LIMD1: variants seen among roughly 807,000 people sequenced by gnomAD.
LIMD1 encodes the protein LIM domain-containing protein 1.
In LIMD1, 23 loss-of-function variants were observed where a neutral mutation model predicts 58.4. That is an observed-to-expected ratio of 0.39 (90% CI 0.28 to 0.56). The LOEUF (loss-of-function observed/expected upper bound fraction) is 0.56, where lower values mean the gene tolerates loss of function less well. LIMD1 is among the 20% of genes least tolerant of loss of function. The pLI is 0.57. For missense variants in LIMD1, 838 were observed against 855.5 expected (o/e 0.98, Z 0.25); for synonymous variants, 334 against 345.5 (o/e 0.97, Z 0.37).
intron 2 of LIMD1, among the ~76,000 whole-genome samples, chr3:45,658,307 A>G (rs550321168): frequency 4.4e-4 from 67 of 152,182 alleles, no homozygotes; most frequent in African/African-American, 1.5e-3. Flanking sequence ...AATTTGGAAT[A>G]AAGGAAAATC....
chr3:45,667,968 A>G (rs947596713), intron 3 of LIMD1, among the ~76,000 whole-genome samples: 6 of 152,184 alleles, frequency 3.9e-5, no homozygotes, highest in African/African-American at 1.4e-4. Context: ...CAAGCTTTCA[A>G]GTGATGCCAG....
At position 45,668,274 on chromosome 3, in the gene LIMD1, C is replaced by G. The variant is rs1697543597; in HGVS notation, c.1579-20C>G. ...ATCTTACCAGTCTGGGTTTAACTTT[C>G]TTTTCTTTTTCTTCTGCAGTACTCT... is the stretch of plus-strand genomic sequence containing the variant. On this transcript the variant is annotated intron_variant, in intron 3 of 7. Coordinates refer to ENST00000273317, the MANE Select transcript of LIMD1 (RefSeq NM_014240.3). 3.1e-6 allele frequency: 5 copies of G among 1,606,166 alleles called. No individual in the cohort carries two copies. Among genetic ancestry groups the G allele is most frequent in the Non-Finnish European group, 8.5e-7 (1 of 1,176,144 alleles).
In LIMD1 at chr3:45,673,537, G is replaced by A. The variant is rs369881006; in HGVS notation, c.1824+32G>A. ...TGCCCTTCCAGACATGCTCCCAGGG[G>A]CTTCTAAGACATGAATATCTCCCTG... On this transcript the variant is annotated intron_variant, in intron 6 of 7. Transcript: ENST00000273317. The A allele has an allele frequency of 4.5e-6, 7 of 1,559,890 alleles. No individual in the cohort carries two copies. The African/African-American group carries it at 9.5e-5, about 21-fold the overall frequency.
intron 1 of LIMD1, among the ~76,000 whole-genome samples, chr3:45,613,813 A>G (rs1290921590): frequency 6.6e-6 from 1 of 152,166 alleles, no homozygotes; most frequent in Admixed American, 6.5e-5. Flanking sequence ...AAGTCTTTGT[A>G]TAGACACAGG....
chr3:45,635,835 T>A, intron 1 of LIMD1: 1 of 961,028 alleles, frequency 1.0e-6, no homozygotes. Context: ...TGAACTGTCT[T>A]ACAAACAGTG....
At chr3:45,646,117 A>G (rs145170828) in intron 2 of LIMD1, among the ~76,000 whole-genome samples, 4,598 of 151,802 alleles carry the variant, frequency 0.03, 75 homozygotes, top group Non-Finnish European at 0.041. Flanking sequence ...CTGTCTTCTT[A>G]TGTCCCTTGC....
At chr3:45,613,563 T>G (rs1471693813) in intron 1 of LIMD1, among the ~76,000 whole-genome samples, 1 of 150,726 alleles carries the variant, frequency 6.6e-6, no homozygotes, top group African/African-American at 2.4e-5. Context: ...GATTTGTTTT[T>G]CCATTTCCCT....
Position 45,682,641 on chromosome 3 carries a change from A to T in LIMD1, c.*5582A>T, listed in dbSNP as rs1405006458. The T allele has an allele frequency of 6.6e-6, 1 of 152,296 alleles. No homozygotes were observed. The highest frequency in any genetic ancestry group is 1.5e-5 in the Non-Finnish European group (1 of 68,098). The allele number at this position is 152,296 out of a possible 1,614,324, so 9.4% of individuals were successfully genotyped here. A position where few individuals can be genotyped will look rare whatever the true frequency, so the allele number is the denominator to read the frequency against. On this transcript the variant is annotated 3_prime_UTR_variant, in exon 8 of 8. Transcript: ENST00000273317. ...CCTCATTTGATAGACAAGACAACTG[A>T]GACACAAAAGGGTGAAATAAACAGT...
chr3:45,644,530 G>A (rs111723696), intron 2 of LIMD1, among the ~76,000 whole-genome samples: 412 of 152,228 alleles, frequency 2.7e-3, no homozygotes, highest in African/African-American at 9.2e-3. Context: ...CCATGGCGGC[G>A]CACTAAATCC....
intron 7 of LIMD1, among the ~76,000 whole-genome samples, chr3:45,674,906 G>T (rs995626829): frequency 2.6e-5 from 4 of 152,180 alleles, no homozygotes; most frequent in Admixed American, 6.5e-5. Flanking sequence ...CCTGCCCTTT[G>T]TCCCAACCCA....
intron 2 of LIMD1, among the ~76,000 whole-genome samples, chr3:45,664,955 T>G (rs1425308579): frequency 6.6e-6 from 1 of 152,162 alleles, no homozygotes; most frequent in Non-Finnish European, 1.5e-5. Context: ...CGGGACACCC[T>G]CTGCTGACCT....
intron 1 of LIMD1, 168 bp from the exon 2 acceptor site, chr3:45,635,982 G>A: frequency 1.0e-6 from 1 of 985,346 alleles, no homozygotes; most frequent in Non-Finnish European, 1.2e-6. Context: ...AGTTGAAAGA[G>A]TGACAGAGGG....
chr3:45,612,075 C>G (rs1000023870), intron 1 of LIMD1, among the ~76,000 whole-genome samples: 7 of 150,276 alleles, frequency 4.7e-5, no homozygotes, highest in African/African-American at 1.5e-4. Flanking sequence ...TGCGCGCTCT[C>G]TCTCTCTCTC....
In LIMD1 at chr3:45,595,617, T is replaced by C. The variant is rs141045534; in HGVS notation, c.738T>C (p.Gly246=). 15,754 of 1,613,822 alleles carry C rather than the reference T, an allele frequency of 9.8e-3. 98 individuals are homozygous for C. Among genetic ancestry groups the C allele is most frequent in the Non-Finnish European group, 0.011 (13,541 of 1,179,950 alleles). ...GGTCTTCTGAGGGTAGCCTCGGTGG[T>C]CAGAATAGTGGCATTGGTGGCCGCA... ...SSRSSEGSLG[G]QNSGIGGRSS... Residue 246 remains glycine (G), a synonymous_variant, in exon 1 of 8, where the codon GGT becomes GGC. Coordinates refer to ENST00000273317, the MANE Select transcript of LIMD1 (RefSeq NM_014240.3).
In LIMD1 at chr3:45,649,484, A is replaced by G. The variant is rs145478519; in HGVS notation, c.1510+13233A>G. 1.0e-3 allele frequency among the ~76,000 whole-genome samples: 154 copies of G among 151,736 alleles called. 1 individual carries two copies. The highest frequency in any genetic ancestry group is 3.5e-3 in the African/African-American group (146 of 41,404). On this transcript the variant is annotated intron_variant, in intron 2 of 7. Coordinates refer to ENST00000273317, the MANE Select transcript of LIMD1 (RefSeq NM_014240.3). ...ATCATGAGGTCAGAAGATCGAGACC[A>G]TCCTGACTAACATGGTGAAACCCCG...
chr3:45,645,155 G>C (rs1006033634), intron 2 of LIMD1, among the ~76,000 whole-genome samples: 1 of 152,198 alleles, frequency 6.6e-6, no homozygotes, highest in African/African-American at 2.4e-5. Context: ...CTGGCCAGAG[G>C]GCTGCAGGGA....
At chr3:45,638,341 A>T (rs904942132) in intron 2 of LIMD1, among the ~76,000 whole-genome samples, 2 of 152,198 alleles carry the variant, frequency 1.3e-5, no homozygotes, top group African/African-American at 2.4e-5. Context: ...CAGGTTTGTT[A>T]CAAAGGTATA....
intron 1 of LIMD1, among the ~76,000 whole-genome samples, chr3:45,624,445 C>T (rs148475634): frequency 0.012 from 1,833 of 152,230 alleles, 31 homozygotes; most frequent in African/African-American, 0.039. Flanking sequence ...CGGTGTCTCA[C>T]GCCTGTAATC....
At chr3:45,657,713 T>C (rs1429269930) in intron 2 of LIMD1, among the ~76,000 whole-genome samples, 1 of 152,138 alleles carries the variant, frequency 6.6e-6, no homozygotes, top group Non-Finnish European at 1.5e-5. Context: ...CCTGCCCACT[T>C]ACTACCTGGG....
Sources: allele counts gnomAD v4.1 joint callset (sites outside exome capture counted in the v4.1 genomes callset), GRCh38; gene constraint gnomAD v4.1.1; transcripts MANE v1.5; gene names NCBI Gene and HGNC (gene_info 2026-07-23, HGNC 2026-07-21).